Variants in RALGPS1 observed in about 807,000 individuals in gnomAD.
RALGPS1 encodes Ral GEF with PH domain and SH3 binding motif 1.
In RALGPS1, 19 loss-of-function variants were observed where a neutral mutation model predicts 78.8. That is an observed-to-expected ratio of 0.24 (90% CI 0.17 to 0.35). The LOEUF is 0.35. RALGPS1 is among the 10% of genes least tolerant of loss of function. RALGPS1 has a pLI of 1.00. For synonymous variants in RALGPS1, 228 were observed against 256.3 expected (o/e 0.89, Z 1.06); for missense variants, 454 against 688.3 (o/e 0.66, Z 3.81).
intron 8 of RALGPS1, among the ~76,000 whole-genome samples, chr9:127,161,994 C>T (rs1404922547): frequency 6.6e-6 from 1 of 152,224 alleles, no homozygotes; most frequent in Non-Finnish European, 1.5e-5. Context: ...ACCTGGCACA[C>T]AGTATGTGCT....
intron 17 of RALGPS1, 37 bp downstream of exon 17, chr9:127,213,086 C>T (rs1354651900): frequency 5.6e-6 from 9 of 1,613,338 alleles, no homozygotes; most frequent in South Asian, 3.3e-5. Context: ...TGCAGCTGCT[C>T]TCTGCCCATT....
chr9:127,032,879 A>C (rs1375076784), intron 4 of RALGPS1, among the ~76,000 whole-genome samples: 2 of 152,258 alleles, frequency 1.3e-5, no homozygotes, highest in African/African-American at 2.4e-5. Context: ...TCATCAGAAC[A>C]AGAAGAATCA....
At chr9:127,155,026 TCC>T (rs1305791660) in intron 8 of RALGPS1, among the ~76,000 whole-genome samples, 1 of 152,196 alleles carries the variant, frequency 6.6e-6, no homozygotes, top group Non-Finnish European at 1.5e-5. Flanking sequence ...TGACGTTAGC[TCC>T]TCTGGAAGCA....
intron 7 of RALGPS1, among the ~76,000 whole-genome samples, chr9:127,056,697 T>G (rs1373047964): frequency 6.6e-6 from 1 of 152,190 alleles, no homozygotes; most frequent in Non-Finnish European, 1.5e-5. Flanking sequence ...GCAGTTTTGT[T>G]TATAGGTCTG....
chr9:127,055,209 T>C (rs2048637371), intron 7 of RALGPS1, among the ~76,000 whole-genome samples: 1 of 99,558 alleles, frequency 1.0e-5, no homozygotes, highest in African/African-American at 3.4e-5. Flanking sequence ...TTTCTATCTA[T>C]CTATCTGTCT....
At chr9:127,132,014 C>T (rs140688958) in intron 8 of RALGPS1, among the ~76,000 whole-genome samples, 15 of 152,262 alleles carry the variant, frequency 9.9e-5, no homozygotes, top group African/African-American at 3.4e-4. Flanking sequence ...AACCACTCCT[C>T]GAGATAGAGG....
chr9:127,073,206 A>G (rs188392919), intron 8 of RALGPS1, among the ~76,000 whole-genome samples: 1 of 152,306 alleles, frequency 6.6e-6, no homozygotes, highest in Admixed American at 6.5e-5. Flanking sequence ...GTTTGTATCC[A>G]TTAACCAACC....
At chr9:127,007,591 G>A (rs1299176108) in intron 4 of RALGPS1, among the ~76,000 whole-genome samples, 1 of 152,214 alleles carries the variant, frequency 6.6e-6, no homozygotes, top group Non-Finnish European at 1.5e-5. Context: ...AAGACTTGAG[G>A]AATGAACTGG....
At chr9:127,191,332 T>C (rs1004187192) in intron 11 of RALGPS1, among the ~76,000 whole-genome samples, 2 of 152,236 alleles carry the variant, frequency 1.3e-5, no homozygotes, top group African/African-American at 4.8e-5. Flanking sequence ...CCTATTTTTT[T>C]CCCAGTAGTT....
chr9:126,964,368 CAAAAA>C (rs1188705839), intron 2 of RALGPS1, among the ~76,000 whole-genome samples: 1 of 42,878 alleles, frequency 2.3e-5, no homozygotes, highest in African/African-American at 8.2e-5. Flanking sequence ...GACTCCCACT[CAAAAA>C]AAAAAAAAAA....
rs528389457 is a variant in RALGPS1, at chr9:126,929,608, C to T, written c.-66+14633C>T. Among the ~76,000 whole-genome samples, 421 of 152,118 alleles carry T rather than the reference C, an allele frequency of 2.8e-3. 2 individuals carry two copies. Among genetic ancestry groups the T allele is most frequent in the African/African-American group, 9.5e-3 (393 of 41,480 alleles). On this transcript the variant is annotated intron_variant, in intron 1 of 18. Transcript: ENST00000259351. ...CTGGGATTACAGGCATGTGCCACCA[C>T]GCCCAGCTAATTTTGTATTATTATT...
chr9:127,144,304 C>T (rs948628286), intron 8 of RALGPS1, among the ~76,000 whole-genome samples: 3 of 152,194 alleles, frequency 2.0e-5, no homozygotes, highest in African/African-American at 7.2e-5. Flanking sequence ...ACGATTCGTG[C>T]AGGAACACAT....
intron 8 of RALGPS1, among the ~76,000 whole-genome samples, chr9:127,160,029 A>G (rs2139399407): frequency 6.6e-6 from 1 of 152,300 alleles, no homozygotes; most frequent in East Asian, 1.9e-4. Context: ...CCTTATTAAA[A>G]AGATAGCTGT....
intron 7 of RALGPS1, among the ~76,000 whole-genome samples, chr9:127,054,484 G>A (rs914653665): frequency 6.6e-6 from 1 of 152,186 alleles, no homozygotes; most frequent in Non-Finnish European, 1.5e-5. Context: ...TAAGGGTCTT[G>A]CGCAGAGATA....
At chr9:127,174,293 AAGAAAGAG>A (rs2059725969) in intron 10 of RALGPS1, among the ~76,000 whole-genome samples, 1 of 138,566 alleles carries the variant, frequency 7.2e-6, no homozygotes, top group South Asian at 2.1e-4. Flanking sequence ...AAGAAAGAGA[AAGAAAGAG>A]AAAGAAAGAA....
intron 11 of RALGPS1, chr9:127,184,043 C>A: frequency 6.5e-7 from 1 of 1,547,606 alleles, no homozygotes; most frequent in South Asian, 1.2e-5. Context: ...TGATCAAGGT[C>A]AACCAGGTGC....
chr9:127,063,234 A>G (rs2049373949), intron 7 of RALGPS1, among the ~76,000 whole-genome samples: 1 of 152,224 alleles, frequency 6.6e-6, no homozygotes, highest in African/African-American at 2.4e-5. Context: ...TGGTATGATC[A>G]GTCAAATACA....
chr9:127,096,506 C>CA (rs899003981), intron 8 of RALGPS1, among the ~76,000 whole-genome samples: 1 of 152,158 alleles, frequency 6.6e-6, no homozygotes, highest in African/African-American at 2.4e-5. Flanking sequence ...AAGGAGGCGC[C>CA]ACGTAGGGAG....
intron 13 of RALGPS1, among the ~76,000 whole-genome samples, chr9:127,196,859 C>G (rs2061374999): frequency 1.3e-5 from 2 of 152,228 alleles, no homozygotes; most frequent in African/African-American, 4.8e-5. Flanking sequence ...GATCTGTCGT[C>G]ATCCTGCTGG....
Sources: allele counts gnomAD v4.1 joint callset (sites outside exome capture counted in the v4.1 genomes callset), GRCh38; gene constraint gnomAD v4.1.1; transcripts MANE v1.5; gene names NCBI Gene and HGNC (gene_info 2026-07-23, HGNC 2026-07-21).